The following SPATA31G1 variants were observed in gnomAD, a reference collection of about 807,000 sequenced individuals.
SPATA31G1 encodes the protein spermatogenesis-associated protein 31G1.
chr9:35,044,048 C>A, the SPATA31G1 span: 18 of 1,614,000 alleles, frequency 1.1e-5, no homozygotes, highest in East Asian at 4.0e-4. Context: ...CACCTCCCAG[C>A]CTTCCCTCAG....
the SPATA31G1 span, chr9:35,043,131 C>T: frequency 2.7e-5 from 43 of 1,614,080 alleles, no homozygotes; most frequent in Non-Finnish European, 3.4e-5. Context: ...CAGATCCTTC[C>T]CCATCTTCCA....
the SPATA31G1 span, chr9:35,045,830 G>C: frequency 6.2e-7 from 1 of 1,613,004 alleles, no homozygotes; most frequent in Non-Finnish European, 8.5e-7. Flanking sequence ...CCAAATGCCT[G>C]GATAACCATC....
chr9:35,044,448 T>C, the SPATA31G1 span: 1 of 1,614,108 alleles, frequency 6.2e-7, no homozygotes, highest in South Asian at 1.1e-5. Flanking sequence ...AGCTTGTAAC[T>C]TACCCCAAGA....
the SPATA31G1 span, chr9:35,042,216 A>G: frequency 6.2e-7 from 1 of 1,601,806 alleles, no homozygotes; most frequent in Non-Finnish European, 8.5e-7. Context: ...CTGTGATGCA[A>G]TGATGACCTC....
chr9:35,041,520 C>T, the SPATA31G1 span: 1 of 155,974 alleles, frequency 6.4e-6, no homozygotes, highest in Admixed American at 6.4e-5. Flanking sequence ...ATGGAAGGCT[C>T]TCTTGAGCTC....
At chr9:35,044,335 C>G in the SPATA31G1 span, 10 of 1,614,016 alleles carry the variant, frequency 6.2e-6, no homozygotes, top group Non-Finnish European at 6.8e-6. Flanking sequence ...CCAGCTCTTG[C>G]ACCGGAGCTG....
At chr9:35,041,132 G>T in the SPATA31G1 span, 1 of 454,514 alleles carries the variant, frequency 2.2e-6, no homozygotes, top group Non-Finnish European at 4.4e-6. Flanking sequence ...GAAGGAGGAA[G>T]TTAACTTGTG....
At chr9:35,042,564 AGGT>A in the SPATA31G1 span, 1 of 1,599,094 alleles carries the variant, frequency 6.3e-7, no homozygotes, top group South Asian at 1.1e-5. Flanking sequence ...ATGTGGGCCC[AGGT>A]GAGTGACTAT....
the SPATA31G1 span, chr9:35,043,513 A>T: frequency 8.1e-6 from 13 of 1,614,122 alleles, no homozygotes; most frequent in Non-Finnish European, 1.1e-5. Flanking sequence ...CCTGTGGACC[A>T]CAAGGGAGTT....
At chr9:35,045,023 T>G in the SPATA31G1 span, 35 of 1,614,090 alleles carry the variant, frequency 2.2e-5, no homozygotes, top group Non-Finnish European at 2.7e-5. Flanking sequence ...GGCAGAGCCC[T>G]GCCTCCAGAG....
the SPATA31G1 span, chr9:35,042,460 G>C: frequency 6.2e-7 from 1 of 1,614,224 alleles, no homozygotes; most frequent in Non-Finnish European, 8.5e-7. Flanking sequence ...CATCCCTGGT[G>C]CTCTGGGAAT....
the SPATA31G1 span, chr9:35,044,045 C>G: frequency 6.2e-7 from 1 of 1,613,932 alleles, no homozygotes; most frequent in Non-Finnish European, 8.5e-7. Flanking sequence ...TTTCACCTCC[C>G]AGCCTTCCCT....
chr9:35,045,184 G>A, the SPATA31G1 span: 268 of 1,613,908 alleles, frequency 1.7e-4, no homozygotes, highest in East Asian at 2.9e-4. Flanking sequence ...GAAGTTCAGC[G>A]CACAGTACCT....
At chr9:35,042,775 G>T in the SPATA31G1 span, 15 of 1,512,080 alleles carry the variant, frequency 9.9e-6, no homozygotes, top group Non-Finnish European at 1.3e-5. Flanking sequence ...GTCCACTCTG[G>T]ATATGGAGCA....
the SPATA31G1 span, chr9:35,042,412 T>C: frequency 3.1e-6 from 5 of 1,614,108 alleles, no homozygotes; most frequent in South Asian, 1.1e-5. Context: ...GTTTGGCAGA[T>C]TCAGAGATGG....
At chr9:35,045,163 G>A in the SPATA31G1 span, 1 of 1,613,950 alleles carries the variant, frequency 6.2e-7, no homozygotes, top group African/African-American at 1.3e-5. Flanking sequence ...TCTTCAAGTT[G>A]TCATCCTCAA....
At chr9:35,045,394 C>CA in the SPATA31G1 span, 1 of 1,614,158 alleles carries the variant, frequency 6.2e-7, no homozygotes, top group Non-Finnish European at 8.5e-7. Context: ...GGAGAACCCT[C>CA]AAACTCTAAG....
chr9:35,041,147 G>A, the SPATA31G1 span: 2 of 453,970 alleles, frequency 4.4e-6, no homozygotes, highest in Non-Finnish European at 8.8e-6. Flanking sequence ...CTTGTGGAAT[G>A]CTGAGAAAGG....
At chr9:35,045,408 CT>C in the SPATA31G1 span, 1 of 1,614,170 alleles carries the variant, frequency 6.2e-7, no homozygotes, top group Non-Finnish European at 8.5e-7. Flanking sequence ...CTCTAAGGTT[CT>C]GGTCTCAGGC....
Sources: gnomAD v4.1 joint callset for allele counts on GRCh38, gnomAD v4.1.1 for gene constraint, MANE v1.5 for transcripts, NCBI Gene and HGNC (gene_info 2026-07-23, HGNC 2026-07-21) for gene names.